Variants in STK33 observed in about 807,000 individuals in gnomAD.
STK33 encodes the protein serine/threonine-protein kinase 33.
Under a neutral mutation model 58.0 loss-of-function variants are expected in STK33, and 52 were observed. That is an observed-to-expected ratio of 0.90 (90% confidence interval 0.72 to 1.13). STK33 has a LOEUF of 1.13. Among genes scored for constraint, STK33 ranks in the 50% most tolerant of loss-of-function variants. The probability of loss-of-function intolerance (pLI) is 0.00; values close to 1 mark genes in which losing one functional copy is unlikely to be tolerated. For missense variants in STK33, 630 were observed against 604.2 expected, an observed-to-expected ratio of 1.04 and a Z score of -0.45; for synonymous variants, 215 against 200.1, an observed-to-expected ratio of 1.07 and a Z score of -0.63.
At chr11:8,339,584 C>T in the STK33 span, among the ~76,000 whole-genome samples, 1 of 152,194 alleles carries the variant, frequency 6.6e-6, no homozygotes, top group African/African-American at 2.4e-5. Context: ...CAGGGATGGC[C>T]CTGCGCTCGG....
intron 15 of STK33, among the ~76,000 whole-genome samples, chr11:8,400,782 C>T (rs904118143): frequency 1.3e-5 from 2 of 152,160 alleles, no homozygotes; most frequent in Admixed American, 1.3e-4. Flanking sequence ...TCTCAGGATA[C>T]AAAATCAATG....
chr11:8,445,423 A>T (rs1223959809), intron 11 of STK33, among the ~76,000 whole-genome samples: 1 of 152,218 alleles, frequency 6.6e-6, no homozygotes, highest in Non-Finnish European at 1.5e-5. Context: ...TATGTTGAAT[A>T]GGAGTGGTGA....
chr11:8,408,333 G>T (rs1379207181), intron 15 of STK33, among the ~76,000 whole-genome samples: 1 of 152,230 alleles, frequency 6.6e-6, no homozygotes, highest in Non-Finnish European at 1.5e-5. Context: ...GCCCTAAGGG[G>T]AGCTGAGCAA....
intron 1 of STK33, among the ~76,000 whole-genome samples, chr11:8,538,773 A>G (rs1469491564): frequency 1.3e-5 from 2 of 152,216 alleles, no homozygotes; most frequent in South Asian, 2.1e-4. Flanking sequence ...GCATGTCTCT[A>G]AAGAATGAAC....
At chr11:8,529,216 T>C (rs986644013) in intron 1 of STK33, among the ~76,000 whole-genome samples, 3 of 152,196 alleles carry the variant, frequency 2.0e-5, no homozygotes, top group Admixed American at 6.5e-5. Context: ...ACAAAGATTC[T>C]AGGAACATGG....
At chr11:8,362,885 T>TCC in the STK33 span, among the ~76,000 whole-genome samples, 4 of 150,548 alleles carry the variant, frequency 2.7e-5, no homozygotes, top group African/African-American at 9.8e-5. Flanking sequence ...CCTCCCTCCC[T>TCC]CTTCCTTCCT....
At chr11:8,481,148 G>A (rs1385891808) in intron 1 of STK33, among the ~76,000 whole-genome samples, 1 of 151,984 alleles carries the variant, frequency 6.6e-6, no homozygotes, top group Non-Finnish European at 1.5e-5. Flanking sequence ...ATGAGGAAAG[G>A]CACTCTGATC....
the STK33 span, among the ~76,000 whole-genome samples, chr11:8,365,828 G>A: frequency 6.6e-6 from 1 of 151,844 alleles, no homozygotes; most frequent in Non-Finnish European, 1.5e-5. Context: ...AAGCCCCCAA[G>A]GCCCATGCGC....
Position 8,449,343 on chromosome 11 carries a change from C to G in STK33, c.871+3479G>C, listed in dbSNP as rs147084287. The stretch of plus-strand genomic sequence containing the variant: ...AAAGACACATGCACACATATGTTTA[C>G]TGCGGCACTATTCACAATAGCAAAG... On this transcript the variant is annotated intron_variant, in intron 11 of 15. Coordinates refer to ENST00000687296, the MANE Select transcript of STK33 (RefSeq NM_001352389.2). Among the ~76,000 whole-genome samples the G allele has an allele frequency of 3.0e-3, 453 of 151,630 alleles. 25 individuals carry two copies. The highest frequency in any genetic ancestry group is 0.011 in the African/African-American group (433 of 41,010).
intron 7 of STK33, among the ~76,000 whole-genome samples, chr11:8,463,897 A>G (rs764136750): frequency 9.9e-5 from 15 of 152,204 alleles, no homozygotes; most frequent in Non-Finnish European, 5.9e-5. Flanking sequence ...CCCGAATTCT[A>G]AAGATTTCTA....
chr11:8,337,986 G>A, the STK33 span, among the ~76,000 whole-genome samples: 15 of 152,028 alleles, frequency 9.9e-5, no homozygotes, highest in Non-Finnish European at 2.1e-4. Flanking sequence ...TTATCTTTCT[G>A]CACCTCACTC....
At chr11:8,429,093 A>C (rs534567774) in intron 14 of STK33, among the ~76,000 whole-genome samples, 2 of 152,332 alleles carry the variant, frequency 1.3e-5, no homozygotes, top group East Asian at 3.9e-4. Flanking sequence ...ACACAAATTC[A>C]AAGAGAAGAA....
chr11:8,397,250 C>T (rs1477208833), intron 15 of STK33, among the ~76,000 whole-genome samples: 1 of 152,218 alleles, frequency 6.6e-6, no homozygotes. Context: ...GTCGGGTACT[C>T]CTCGGAGACA....
chr11:8,394,315 T>G (rs57577868), intron 15 of STK33, among the ~76,000 whole-genome samples: 30,014 of 152,130 alleles, frequency 0.2, 3,403 homozygotes, highest in African/African-American at 0.3. Context: ...ACCCTATCTT[T>G]AAAATTTCAA....
At chr11:8,359,864 T>C in the STK33 span, among the ~76,000 whole-genome samples, 7 of 152,224 alleles carry the variant, frequency 4.6e-5, no homozygotes, top group East Asian at 9.6e-4. Context: ...AGAAAGGCCA[T>C]GGGGCTCCAG....
intron 15 of STK33, among the ~76,000 whole-genome samples, chr11:8,410,752 C>G (rs1275948675): frequency 6.6e-6 from 1 of 151,984 alleles, no homozygotes; most frequent in East Asian, 1.9e-4. Context: ...GGATTACAGG[C>G]GTGAACCACC....
the STK33 span, among the ~76,000 whole-genome samples, chr11:8,386,037 T>G: frequency 4.6e-5 from 7 of 151,944 alleles, no homozygotes; most frequent in African/African-American, 1.7e-4. Flanking sequence ...CCTCCCAAAG[T>G]GCTGGGATTA....
chr11:8,577,859 A>G (rs1260048165), intron 1 of STK33, among the ~76,000 whole-genome samples: 2 of 152,140 alleles, frequency 1.3e-5, no homozygotes, highest in African/African-American at 2.4e-5. Context: ...ATGGTAACAG[A>G]GCCATTGTAA....
the STK33 span, among the ~76,000 whole-genome samples, chr11:8,371,744 CCTCT>C: frequency 2.3e-3 from 325 of 140,562 alleles, 3 homozygotes; most frequent in African/African-American, 8.0e-3. Flanking sequence ...TCCCTCCCTC[CCTCT>C]CTCCCTCCCT....
Sources: gnomAD v4.1 joint callset for allele counts (sites outside exome capture counted in the v4.1 genomes callset) on GRCh38, gnomAD v4.1.1 for gene constraint, MANE v1.5 for transcripts, NCBI Gene and HGNC (gene_info 2026-07-23, HGNC 2026-07-21) for gene names.